Variants in PRRC2B observed in about 807,000 individuals in gnomAD.
PRRC2B encodes the protein proline rich coiled-coil 2B.
In PRRC2B, 68 loss-of-function variants were observed where a neutral mutation model predicts 242.3. The ratio of observed to expected loss-of-function variants is 0.28; its 90% CI spans 0.23 to 0.34. The LOEUF (loss-of-function observed/expected upper bound fraction) is 0.34, where lower values mean the gene tolerates loss of function less well. Ranked by LOEUF, PRRC2B falls within the 10% of genes least tolerant of loss-of-function variation. The probability of loss-of-function intolerance (pLI) is 1.00; values close to 1 mark genes in which losing one functional copy is unlikely to be tolerated. For missense variants in PRRC2B, 2,835 were observed against 2,954.8 expected (o/e 0.96, Z 0.94); for synonymous variants, 1,228 against 1,173.6 (o/e 1.05, Z -0.95).
At chr9:131,443,112 A>AT (rs888209802) in intron 5 of PRRC2B, among the ~76,000 whole-genome samples, 20 of 147,180 alleles carry the variant, frequency 1.4e-4, no homozygotes, top group African/African-American at 4.7e-4. Flanking sequence ...ATTTTATTTT[A>AT]TTTATTTTAT....
rs1051449800 is a variant in PRRC2B at position 131,472,822 on chromosome 9, A to G, written c.2108-686A>G. On this transcript the variant is annotated intron_variant, in intron 14 of 31. Transcript: ENST00000683519. ...TTAGATATTCCAACTATGATATTTCATGCATTCCATTCTTATTCTTCTCTT... is the reference window on the plus strand; with the variant it reads ...TTAGATATTCCAACTATGATATTTCGTGCATTCCATTCTTATTCTTCTCTT... Among the ~76,000 whole-genome samples the G allele has an allele frequency of 3.3e-5, 5 of 152,130 alleles. No individual in the cohort carries two copies. In the East Asian group the frequency reaches 9.6e-4, roughly 29 times the overall value.
chr9:131,444,551 C>G (rs971045773), intron 6 of PRRC2B, among the ~76,000 whole-genome samples: 1 of 152,064 alleles, frequency 6.6e-6, no homozygotes, highest in Non-Finnish European at 1.5e-5. Context: ...CCAGGCCTGT[C>G]CCCTCCCCCT....
intron 9 of PRRC2B, chr9:131,448,059 A>C (rs548548423): frequency 2.8e-6 from 1 of 354,580 alleles, no homozygotes; most frequent in Admixed American, 4.5e-5. Context: ...TTTAAAAATT[A>C]TTGATGATGC....
chr9:131,483,504 T>A, intron 23 of PRRC2B, 59 bp downstream of exon 23: 1 of 1,439,460 alleles, frequency 6.9e-7, no homozygotes, highest in South Asian at 1.1e-5. Flanking sequence ...AGGCCCTGGG[T>A]GAAGGAGACA....
chr9:131,481,940 T>A, intron 20 of PRRC2B, 132 bp downstream of exon 20: 1 of 804,736 alleles, frequency 1.2e-6, no homozygotes, highest in Non-Finnish European at 2.1e-6. Flanking sequence ...TTAGGTTGTT[T>A]CCATGGGGCC....
At chr9:131,405,144 T>C (rs1357583256) in intron 1 of PRRC2B, among the ~76,000 whole-genome samples, 1 of 152,186 alleles carries the variant, frequency 6.6e-6, no homozygotes, top group Non-Finnish European at 1.5e-5. Flanking sequence ...TAGGGTCTGA[T>C]GTTTTGGTGA....
At chr9:131,394,361 C>CG (rs1836980465) in intron 1 of PRRC2B, 98 bp downstream of exon 1, 1 of 145,874 alleles carries the variant, frequency 6.9e-6, no homozygotes, top group Non-Finnish European at 1.5e-5. Flanking sequence ...CGGCCGCCGC[C>CG]GGGGGCCCGG....
At chr9:131,466,272 G>GT (rs1943393292) in intron 12 of PRRC2B, among the ~76,000 whole-genome samples, 2 of 152,220 alleles carry the variant, frequency 1.3e-5, no homozygotes, top group Admixed American at 6.5e-5. Flanking sequence ...TAAAGGTTGA[G>GT]TGAGGACTGT....
At chr9:131,432,879 C>A in intron 3 of PRRC2B, 85 bp downstream of exon 3, 1 of 1,407,434 alleles carries the variant, frequency 7.1e-7, no homozygotes, top group Non-Finnish European at 9.8e-7. Flanking sequence ...CTAACCCTAA[C>A]CCTTTGGCTA....
At chr9:131,409,344 T>G (rs1235603654) in intron 1 of PRRC2B, among the ~76,000 whole-genome samples, 1 of 151,936 alleles carries the variant, frequency 6.6e-6, no homozygotes, top group Non-Finnish European at 1.5e-5. Flanking sequence ...CACGCCTGGC[T>G]AATTTTTGTA....
upstream of PRRC2B, among the ~76,000 whole-genome samples, chr9:131,393,753 C>T (rs1300300072): frequency 2.0e-5 from 3 of 151,716 alleles, no homozygotes; most frequent in East Asian, 5.9e-4. Context: ...GGCCCATGCC[C>T]TTCCCAGGCC....
chr9:131,375,452 G>A (rs752988929), intron 1 of PRRC2B, among the ~76,000 whole-genome samples: 2 of 152,034 alleles, frequency 1.3e-5, no homozygotes, highest in African/African-American at 4.8e-5. Context: ...CTGTCTAGCA[G>A]GGTTTTTGTG....
intron 1 of PRRC2B, among the ~76,000 whole-genome samples, chr9:131,405,025 G>GT (rs1837327523): frequency 6.6e-6 from 1 of 152,192 alleles, no homozygotes; most frequent in South Asian, 2.1e-4. Context: ...ATGTGTGAGC[G>GT]TATGTTTCTG....
chr9:131,475,953 G>T lies in PRRC2B; in HGVS notation c.3824G>T (p.Arg1275Leu). 3.7e-6 allele frequency: 6 copies of T among 1,613,584 alleles called. No individual in the cohort carries two copies. Among genetic ancestry groups the T allele is most frequent in the Non-Finnish European group, 4.2e-6 (5 of 1,179,614 alleles). ...AFGGRGFEDS[R>L]AEDKRSFFQD... ...GGTGGCCGGGGCTTTGAGGACAGCC[G>T]CGCGGAGGACAAGAGATCCTTCTTC... is the stretch of plus-strand genomic sequence containing the variant. The change falls in exon 16 of 32, where the codon CGC becomes CTC. Residue 1275 changes from arginine (R) to leucine (L), a missense_variant. Physicochemically the swap from Arg to Leu is moderately radical, Grantham distance 102. Coordinates refer to ENST00000683519, the MANE Select transcript of PRRC2B (RefSeq NM_013318.4).
At chr9:131,383,567 G>A (rs1262629362) in intron 1 of PRRC2B, among the ~76,000 whole-genome samples, 2 of 151,356 alleles carry the variant, frequency 1.3e-5, no homozygotes, top group Non-Finnish European at 2.9e-5. Context: ...ATTCTTGTAG[G>A]GTTTTTGTTT....
intron 1 of PRRC2B, among the ~76,000 whole-genome samples, chr9:131,420,474 T>TC (rs1564278548): frequency 1.1e-3 from 14 of 12,186 alleles, no homozygotes; most frequent in African/African-American, 2.4e-3. Flanking sequence ...TCTTTCTTTC[T>TC]TTCTTTCTTT....
At chr9:131,430,339 T>C (rs1838099691) in intron 2 of PRRC2B, 80 bp downstream of exon 2, 2 of 843,034 alleles carry the variant, frequency 2.4e-6, no homozygotes, top group African/African-American at 1.7e-5. Context: ...CCTCACCTGG[T>C]TAGACAGATG....
At chr9:131,450,779 A>G (rs1341139354) in intron 9 of PRRC2B, among the ~76,000 whole-genome samples, 1 of 145,856 alleles carries the variant, frequency 6.9e-6, no homozygotes, top group Non-Finnish European at 1.5e-5. Context: ...GTAGAGACGA[A>G]GTTTCACCAT....
Position 131,487,508 on chromosome 9 carries a change from T to G in PRRC2B, c.5984+214T>G, listed in dbSNP as rs1441274567. ...AGCTGATATGTGGTGGGCCGTGTTT[T>G]GCTTTTCCATGTCATCTTGCCTCCT... On this transcript the variant is annotated intron_variant, in intron 27 of 31. Coordinates refer to ENST00000683519, the MANE Select transcript of PRRC2B (RefSeq NM_013318.4). The surrounding 1 kb of genome is among the most constrained non-coding windows in gnomAD (Gnocchi z 5.3). Among the ~76,000 whole-genome samples the G allele has an allele frequency of 6.6e-6, 1 of 152,192 alleles. No homozygotes were observed. Among genetic ancestry groups the G allele is most frequent in the East Asian group, 1.9e-4 (1 of 5,196 alleles).
Sources: gnomAD v4.1 joint callset for allele counts (sites outside exome capture counted in the v4.1 genomes callset) on GRCh38, gnomAD v4.1.1 for gene constraint, Gnocchi (gnomAD v3.1) non-coding constraint, MANE v1.5 for transcripts, NCBI Gene and HGNC (gene_info 2026-07-23, HGNC 2026-07-21) for gene names.